ADAM32: variants seen among roughly 807,000 people sequenced by gnomAD.
ADAM32 encodes the protein disintegrin and metalloproteinase domain-containing protein 32.
In ADAM32, 89 loss-of-function variants were observed where a neutral mutation model predicts 114.9. That is an observed-to-expected ratio of 0.77 (90% CI 0.65 to 0.92). The LOEUF (loss-of-function observed/expected upper bound fraction) is 0.92. ADAM32 is among the 40% of genes least tolerant of loss of function. The probability of loss-of-function intolerance (pLI) is 0.00; values close to 1 mark genes in which losing one functional copy is unlikely to be tolerated. For synonymous variants in ADAM32, 285 were observed against 307.5 expected (o/e 0.93, Z 0.77); for missense variants, 870 against 932.8 (o/e 0.93, Z 0.88).
intron 10 of ADAM32, among the ~76,000 whole-genome samples, chr8:39,176,897 T>C (rs1019137271): frequency 3.3e-5 from 5 of 152,208 alleles, no homozygotes; most frequent in Non-Finnish European, 7.4e-5. Context: ...GTATTTAGGA[T>C]AGTTAGCTCT....
chr8:39,129,830 A>T, intron 2 of ADAM32: 1 of 328,742 alleles, frequency 3.0e-6, no homozygotes, highest in Non-Finnish European at 6.1e-6. Flanking sequence ...TATAATTATG[A>T]GTGTAATCTT....
At chr8:39,215,190 AT>A (rs199782793) in intron 12 of ADAM32, among the ~76,000 whole-genome samples, 11 of 150,506 alleles carry the variant, frequency 7.3e-5, no homozygotes, top group African/African-American at 2.2e-4. Flanking sequence ...AAATTTTAGG[AT>A]TTTTTTTTCT....
intron 4 of ADAM32, 68 bp downstream of exon 4, chr8:39,147,273 T>C: frequency 1.6e-6 from 1 of 630,590 alleles, no homozygotes; most frequent in Non-Finnish European, 2.2e-6. Flanking sequence ...TGCTTTATTA[T>C]ACAGAAGGCT....
intron 6 of ADAM32, chr8:39,158,504 A>G: frequency 3.4e-6 from 1 of 297,098 alleles, no homozygotes; most frequent in Non-Finnish European, 6.4e-6. Flanking sequence ...CTTCTTGTTC[A>G]CCTTGGGTCC....
intron 11 of ADAM32, among the ~76,000 whole-genome samples, chr8:39,198,295 C>T (rs1807150239): frequency 6.6e-6 from 1 of 152,100 alleles, no homozygotes; most frequent in Non-Finnish European, 1.5e-5. Context: ...AAGCCATTTA[C>T]ATTTGATATT....
At chr8:39,241,210 G>C (rs1388945385) in intron 16 of ADAM32, among the ~76,000 whole-genome samples, 1 of 152,234 alleles carries the variant, frequency 6.6e-6, no homozygotes, top group Non-Finnish European at 1.5e-5. Context: ...ACAGCCTTGA[G>C]CAGCTCTGCA....
chr8:39,124,607 G>A (rs1169013403), intron 2 of ADAM32, among the ~76,000 whole-genome samples: 3 of 151,822 alleles, frequency 2.0e-5, no homozygotes, highest in Non-Finnish European at 4.4e-5. Context: ...TAGTAAAGAC[G>A]GGGTTTCACC....
intron 7 of ADAM32, 103 bp downstream of exon 7, chr8:39,161,068 C>A: frequency 1.9e-6 from 2 of 1,058,038 alleles, no homozygotes; most frequent in Non-Finnish European, 1.3e-6. Context: ...TTCTTACTCA[C>A]ATGTCATAGA....
At chr8:39,130,990 T>C in intron 2 of ADAM32, 2 of 381,270 alleles carry the variant, frequency 5.2e-6, no homozygotes, top group Non-Finnish European at 1.0e-5. Flanking sequence ...AGAGTCTTGC[T>C]CTGTTGCCCA....
chr8:39,120,747 G>A (rs1840556022), intron 2 of ADAM32, among the ~76,000 whole-genome samples: 1 of 123,972 alleles, frequency 8.1e-6, no homozygotes. Flanking sequence ...GGGTGACAGA[G>A]CAAGACTCCG....
intron 2 of ADAM32, 38 bp from the exon 3 acceptor site, chr8:39,136,619 A>G: frequency 6.0e-6 from 8 of 1,337,456 alleles, no homozygotes; most frequent in Non-Finnish European, 8.2e-6. Flanking sequence ...TTCTTGTATT[A>G]AATTTGTCTT....
chr8:39,150,913 T>A (rs941111392), intron 5 of ADAM32, among the ~76,000 whole-genome samples: 4 of 108,830 alleles, frequency 3.7e-5, no homozygotes, highest in African/African-American at 1.1e-4. Flanking sequence ...ATATGCAGTA[T>A]AATCATTTTT....
intron 16 of ADAM32, among the ~76,000 whole-genome samples, chr8:39,236,237 T>A (rs1810134014): frequency 6.6e-6 from 1 of 152,186 alleles, no homozygotes; most frequent in Non-Finnish European, 1.5e-5. Flanking sequence ...GAGACTCTAA[T>A]GATAGTTCAT....
chr8:39,256,042 T>C (rs1251491637), intron 18 of ADAM32, among the ~76,000 whole-genome samples: 1 of 151,948 alleles, frequency 6.6e-6, no homozygotes, highest in Non-Finnish European at 1.5e-5. Context: ...CTGTACGTAC[T>C]TGGCTTTATT....
At chr8:39,117,899 TCTC>T (rs1404349696) in intron 1 of ADAM32, among the ~76,000 whole-genome samples, 184 bp from the exon 2 acceptor site, 1 of 152,122 alleles carries the variant, frequency 6.6e-6, no homozygotes, top group Admixed American at 6.5e-5. Flanking sequence ...CCTCTTCCCT[TCTC>T]CTTTTTTGTT....
intron 16 of ADAM32, among the ~76,000 whole-genome samples, chr8:39,237,039 A>G (rs1810198895): frequency 6.6e-6 from 1 of 152,194 alleles, no homozygotes; most frequent in Non-Finnish European, 1.5e-5. Context: ...AATGCCCAAT[A>G]TGTGAGTGGG....
chr8:39,237,814 C>G (rs1359104575), intron 16 of ADAM32, among the ~76,000 whole-genome samples: 1 of 152,134 alleles, frequency 6.6e-6, no homozygotes, highest in Non-Finnish European at 1.5e-5. Context: ...TAGCTGAAGA[C>G]AAAAATGACA....
chr8:39,175,025 A>G (rs1402425358), intron 10 of ADAM32, among the ~76,000 whole-genome samples: 6 of 152,130 alleles, frequency 3.9e-5, no homozygotes, highest in Admixed American at 6.5e-5. Context: ...ATTTTTGCAT[A>G]TTGATTTTGT....
intron 14 of ADAM32, among the ~76,000 whole-genome samples, chr8:39,227,803 A>G (rs1300679243): frequency 6.6e-6 from 1 of 152,034 alleles, no homozygotes; most frequent in Non-Finnish European, 1.5e-5. Context: ...CCCACCCACC[A>G]CTGGTCCCTC....
Sources: allele counts gnomAD v4.1 joint callset (sites outside exome capture counted in the v4.1 genomes callset), GRCh38; gene constraint gnomAD v4.1.1; transcripts MANE v1.5; gene names NCBI Gene and HGNC (gene_info 2026-07-23, HGNC 2026-07-21).